Variants in DNTTIP1 observed in about 807,000 individuals in gnomAD.
DNTTIP1 encodes the protein deoxynucleotidyltransferase terminal-interacting protein 1.
DNTTIP1 carries 22 observed loss-of-function variants against 52.9 expected under a neutral mutation model. The observed-to-expected ratio is 0.42, with a 90% CI of 0.30 to 0.59. The LOEUF (loss-of-function observed/expected upper bound fraction) is 0.59. DNTTIP1 is among the 20% of genes least tolerant of loss of function. The pLI is 0.22. For synonymous variants in DNTTIP1, 136 were observed against 155.1 expected (o/e 0.88, Z 0.92); for missense variants, 286 against 435.5 (o/e 0.66, Z 3.06).
At chr20:45,801,667 C>T (rs1434835615) in intron 6 of DNTTIP1, among the ~76,000 whole-genome samples, 2 of 152,108 alleles carry the variant, frequency 1.3e-5, no homozygotes, top group Admixed American at 6.5e-5. Flanking sequence ...ACATTTCTGT[C>T]GTCCTAGCTA....
intron 3 of DNTTIP1, 123 bp downstream of exon 3, chr20:45,794,140 T>C (rs1367489567): frequency 6.0e-6 from 3 of 501,310 alleles, no homozygotes; most frequent in Non-Finnish European, 1.0e-5. Flanking sequence ...TTCTTGTTGT[T>C]TTTGTTTTGT....
Position 45,809,022 on chromosome 20 carries a change from A to G in DNTTIP1, c.724-92A>G. On this transcript the variant is annotated intron_variant, in intron 10 of 12. Transcript: ENST00000372622. This position sits in a 1 kb window ranked among gnomAD's most constrained non-coding sequence, Gnocchi z 4.2. ...CGCTTGGAGACAAGGACTTTTGGTA[A>G]GAACTGCTCAAGGGCCAAGAGTATG... 8.8e-7 allele frequency: 1 copy of G among 1,134,368 alleles called. No homozygotes were observed. The highest frequency in any genetic ancestry group is 1.3e-5 in the South Asian group (1 of 78,000). 70.3% of individuals were successfully genotyped at this position (1,134,368 alleles called of 1,614,324 possible). A position where few individuals can be genotyped will look rare whatever the true frequency, so the allele number is the denominator to read the frequency against.
In DNTTIP1 at chr20:45,801,120, C is replaced by T; in HGVS notation, c.419C>T (p.Thr140Ile). The T allele has an allele frequency of 6.2e-7, 1 of 1,614,032 alleles. No homozygotes were observed. Reference protein sequence around the residue: ...SDGEKVIPRLTHELPGIKRGR... With the variant: ...SDGEKVIPRLIHELPGIKRGR... ...GGAGAAAAAGTAATACCCAGATTGA[C>T]CCATGAGCTTCCAGGAATAAAGGTC... is the stretch of plus-strand genomic sequence containing the variant. The change falls in exon 5 of 13, where the codon ACC becomes ATC. Residue 140 changes from threonine (T) to isoleucine (I), a missense_variant. Coordinates refer to ENST00000372622, the MANE Select transcript of DNTTIP1 (RefSeq NM_052951.3).
chr20:45,803,974 G>T (rs1981557355), intron 8 of DNTTIP1, among the ~76,000 whole-genome samples: 1 of 152,078 alleles, frequency 6.6e-6, no homozygotes, highest in African/African-American at 2.4e-5. Flanking sequence ...TTATATAAAT[G>T]GTTGTTCCCC....
chr20:45,799,624 G>A (rs986949477), intron 4 of DNTTIP1, among the ~76,000 whole-genome samples: 97 of 152,150 alleles, frequency 6.4e-4, no homozygotes, highest in African/African-American at 2.2e-3. Flanking sequence ...TTCCCCTCTG[G>A]TGGTTCTCTG....
At chr20:45,801,218 A>G in intron 5 of DNTTIP1, 76 bp downstream of exon 5, 1 of 1,494,622 alleles carries the variant, frequency 6.7e-7, no homozygotes, top group Non-Finnish European at 9.3e-7. Flanking sequence ...ATGTGGGCCC[A>G]GGGAGGTTCC....
At chr20:45,810,768 G>A (rs906982668) in intron 11 of DNTTIP1, 117 bp from the exon 12 acceptor site, 5 of 890,638 alleles carry the variant, frequency 5.6e-6, no homozygotes, top group African/African-American at 1.7e-5. Context: ...ATTGTAAACC[G>A]CATCCCCCGC....
In DNTTIP1 at chr20:45,796,532, C is replaced by T. The variant is rs559056228; in HGVS notation, c.372+1089C>T. The T allele has an allele frequency of 9.6e-5, 45 of 471,192 alleles. 1 individual carries two copies. The Middle Eastern group carries it at 9.8e-4, about 10-fold the overall frequency. 29.2% of individuals were successfully genotyped at this position (471,192 alleles called of 1,614,324 possible). A position where few individuals can be genotyped will look rare whatever the true frequency, so the allele number is the denominator to read the frequency against. On this transcript the variant is annotated intron_variant, in intron 4 of 12. Coordinates refer to ENST00000372622, the MANE Select transcript of DNTTIP1 (RefSeq NM_052951.3). ...AGCACCCTGCTGCCTCCCTGCCTCT[C>T]TGGTGTGGTCAGGAAGCATGACATC...
At chr20:45,795,489 C>G (rs746299183) in intron 4 of DNTTIP1, 46 bp downstream of exon 4, 14 of 1,219,930 alleles carry the variant, frequency 1.1e-5, no homozygotes, top group Non-Finnish European at 1.4e-5. Flanking sequence ...GTTTAGCTCT[C>G]GAGCCTCTGA....
chr20:45,793,388 C>T (rs1017834815), intron 2 of DNTTIP1, among the ~76,000 whole-genome samples: 4 of 149,486 alleles, frequency 2.7e-5, no homozygotes, highest in African/African-American at 1.0e-4. Flanking sequence ...CATGGAGAAA[C>T]CCCGTCTCTA....
intron 12 of DNTTIP1, 22 bp from the exon 13 acceptor site, chr20:45,811,033 TTC>T (rs753954241): frequency 1.5e-5 from 24 of 1,613,176 alleles, no homozygotes; most frequent in Non-Finnish European, 2.0e-5. Flanking sequence ...TTCCCCCAAC[TTC>T]TCTCTTCAAT....
intron 10 of DNTTIP1, 98 bp downstream of exon 10, chr20:45,805,464 G>A: frequency 2.2e-6 from 3 of 1,346,684 alleles, no homozygotes; most frequent in Non-Finnish European, 3.0e-6. Context: ...TGATCTTGGA[G>A]TCAGGACATC....
Position 45,792,690 on chromosome 20 carries a change from T to C in DNTTIP1, c.119T>C (p.Ile40Thr). 3 of 1,612,140 alleles carry C rather than the reference T, an allele frequency of 1.9e-6. No homozygotes were observed. Among genetic ancestry groups the C allele is most frequent in the Non-Finnish European group, 2.5e-6 (3 of 1,179,262 alleles). ...TGGTCCCCACAGAACCCTTGGAACA[T>C]AATGATAAAGCACCGGCAGGTGCAG... ...GQLVLTNPWN[I>T]MIKHRQVQRR... The change falls in exon 2 of 13, where the codon ATA (isoleucine) becomes ACA (threonine). Residue 40 changes from isoleucine to threonine, a missense_variant. Around this residue, in one of 2 missense-constraint regions of DNTTIP1, gnomAD observed 208 missense variants for 266.5 expected, o/e 0.78. Transcript: ENST00000372622.
intron 4 of DNTTIP1, among the ~76,000 whole-genome samples, chr20:45,795,815 A>G (rs1040134459): frequency 6.6e-6 from 1 of 152,214 alleles, no homozygotes; most frequent in Non-Finnish European, 1.5e-5. Flanking sequence ...AAACAAAAAA[A>G]GAAATGTGAT....
chr20:45,808,716 A>T (rs540000717), intron 10 of DNTTIP1, among the ~76,000 whole-genome samples: 6 of 152,326 alleles, frequency 3.9e-5, no homozygotes, highest in Admixed American at 3.9e-4. Context: ...CTTAACCATG[A>T]TGCTATTATG....
chr20:45,802,820 C>T (rs1981517844), intron 7 of DNTTIP1, among the ~76,000 whole-genome samples: 1 of 149,710 alleles, frequency 6.7e-6, no homozygotes, highest in Non-Finnish European at 1.5e-5. Context: ...TCCCCCTCAA[C>T]CAACCCCCAA....
intron 10 of DNTTIP1, among the ~76,000 whole-genome samples, chr20:45,805,616 TAAAA>T (rs1474472595): frequency 1.3e-5 from 2 of 152,144 alleles, no homozygotes; most frequent in East Asian, 3.9e-4. Context: ...TATATTATCT[TAAAA>T]AATAAGTATT....
intron 10 of DNTTIP1, among the ~76,000 whole-genome samples, chr20:45,806,726 G>C (rs1465787803): frequency 6.6e-6 from 1 of 152,220 alleles, no homozygotes; most frequent in Non-Finnish European, 1.5e-5. Flanking sequence ...TCTCCAGTCT[G>C]ATATCCTCGA....
At chr20:45,805,014 CAG>C (rs1409442274) in intron 8 of DNTTIP1, 130 bp from the exon 9 acceptor site, 2 of 795,776 alleles carry the variant, frequency 2.5e-6, no homozygotes, top group African/African-American at 3.4e-5. Context: ...TGTGAGTACT[CAG>C]TGTCTTGGGT....
Sources: gnomAD v4.1 joint callset for allele counts (sites outside exome capture counted in the v4.1 genomes callset) on GRCh38, gnomAD v4.1.1 for gene constraint, gnomAD v4.1.1 regional missense constraint, Gnocchi (gnomAD v3.1) non-coding constraint, MANE v1.5 for transcripts, NCBI Gene and HGNC (gene_info 2026-07-23, HGNC 2026-07-21) for gene names.